CDH4: variants seen among roughly 807,000 people sequenced by gnomAD.
CDH4 encodes the protein cadherin 4.
CDH4 carries 33 observed loss-of-function variants against 86.0 expected under a neutral mutation model. The ratio of observed to expected loss-of-function variants is 0.38; its 90% confidence interval spans 0.29 to 0.51. CDH4 has a LOEUF of 0.51. Ranked by LOEUF, CDH4 falls within the 20% of genes least tolerant of loss-of-function variation. The probability of loss-of-function intolerance (pLI) is 0.86; values close to 1 mark genes in which losing one functional copy is unlikely to be tolerated. For synonymous variants in CDH4, 555 were observed against 549.4 expected (o/e 1.01, Z -0.14); for missense variants, 1,114 against 1,307.4 (o/e 0.85, Z 2.28).
chr20:61,389,463 C>T (rs2084969270), intron 2 of CDH4, among the ~76,000 whole-genome samples: 1 of 152,210 alleles, frequency 6.6e-6, no homozygotes, highest in South Asian at 2.1e-4. Context: ...AATTCCAATG[C>T]CTGGCACACA....
chr20:61,844,564 G>T, intron 4 of CDH4, 104 bp from the exon 5 acceptor site: 1 of 1,092,898 alleles, frequency 9.1e-7, no homozygotes, highest in South Asian at 1.7e-5. Context: ...ACCTGAAAAT[G>T]GTCGAGCTCG....
chr20:61,883,251 C>T (rs562240428), intron 7 of CDH4, among the ~76,000 whole-genome samples: 6 of 152,196 alleles, frequency 3.9e-5, no homozygotes, highest in Non-Finnish European at 8.8e-5. Flanking sequence ...ACTGAGTGCC[C>T]TGTCCCTCTC....
At chr20:61,478,772 G>A (rs1308449243) in intron 2 of CDH4, among the ~76,000 whole-genome samples, 1 of 152,230 alleles carries the variant, frequency 6.6e-6, no homozygotes, top group Admixed American at 6.5e-5. Flanking sequence ...AGAGATGAAA[G>A]TTGAAAATCA....
chr20:61,387,333 CACAG>C (rs1159396326), intron 2 of CDH4, among the ~76,000 whole-genome samples: 41 of 151,838 alleles, frequency 2.7e-4, no homozygotes, highest in Non-Finnish European at 1.2e-4. Flanking sequence ...CACAAACACA[CACAG>C]AGGCACACAT....
At chr20:61,398,029 C>T (rs1268175089) in intron 2 of CDH4, among the ~76,000 whole-genome samples, 1 of 152,238 alleles carries the variant, frequency 6.6e-6, no homozygotes, top group Non-Finnish European at 1.5e-5. Context: ...TGGCAAGCTT[C>T]ACCTGCGTGT....
chr20:61,475,433 C>A (rs1441536787), intron 2 of CDH4, among the ~76,000 whole-genome samples: 2 of 124,300 alleles, frequency 1.6e-5, no homozygotes, highest in Non-Finnish European at 1.8e-5. Flanking sequence ...CCACCACTTT[C>A]TCCCCCATGG....
chr20:61,805,163 T>G (rs896334118), intron 4 of CDH4, among the ~76,000 whole-genome samples: 1 of 152,128 alleles, frequency 6.6e-6, no homozygotes. Flanking sequence ...GCCGGTACGG[T>G]GCTGAGAAGA....
At chr20:61,842,394 T>C (rs1360633999) in intron 4 of CDH4, among the ~76,000 whole-genome samples, 1 of 152,098 alleles carries the variant, frequency 6.6e-6, no homozygotes, top group African/African-American at 2.4e-5. Flanking sequence ...AAAAACCGAG[T>C]GGGCTGCTTT....
chr20:61,307,077 G>A (rs796345943), intron 2 of CDH4, among the ~76,000 whole-genome samples: 3 of 151,864 alleles, frequency 2.0e-5, no homozygotes, highest in East Asian at 3.9e-4. Flanking sequence ...AGTCCACTCC[G>A]AGAGACAGAG....
intron 3 of CDH4, among the ~76,000 whole-genome samples, chr20:61,750,053 C>A (rs2145952792): frequency 6.6e-6 from 1 of 151,394 alleles, no homozygotes; most frequent in South Asian, 2.1e-4. Context: ...ACAGCAAGAC[C>A]CTATCAAAAA....
chr20:61,717,732 CCGGCCT>C (rs1568774361), intron 2 of CDH4: 1 of 152,264 alleles, frequency 6.6e-6, no homozygotes, highest in African/African-American at 2.4e-5. Context: ...AGGTGATCTG[CCGGCCT>C]CGGCCTCCCA....
At chr20:61,695,385 C>T (rs1340863572) in intron 2 of CDH4, among the ~76,000 whole-genome samples, 1 of 152,188 alleles carries the variant, frequency 6.6e-6, no homozygotes, top group African/African-American at 2.4e-5. Flanking sequence ...CAAACTCACA[C>T]CATCAGACCC....
At position 61,902,968 on chromosome 20, in the gene CDH4, G is replaced by A. The variant is rs1405780637; in HGVS notation, c.1189-7454G>A. On this transcript the variant is annotated intron_variant, in intron 8 of 15. Coordinates refer to ENST00000614565, the MANE Select transcript of CDH4 (RefSeq NM_001794.5). The surrounding 1 kb of genome is among the most constrained non-coding windows in gnomAD (Gnocchi z 4.6). The stretch of plus-strand genomic sequence containing the variant: ...CAGGAGTTCGAGGCTGCAGTGAGGT[G>A]TGATCATGCCACTAAACTCCAGCCT... Among the ~76,000 whole-genome samples the A allele has an allele frequency of 1.4e-5, 2 of 145,386 alleles. No individual in the cohort carries two copies. The highest frequency in any genetic ancestry group is 5.3e-5 in the African/African-American group (2 of 37,678).
chr20:61,934,156 A>T lies in CDH4; in HGVS notation c.2480A>T (p.Glu827Val), dbSNP rs373928047. The change falls in exon 15 of 16, where the codon GAG becomes GTG. Residue 827 changes from glutamate (E) to valine (V), a missense_variant. Glu to Val is a moderately radical substitution (Grantham distance 121). Transcript: ENST00000614565. ...RRVDERPVGA[E>V]PQYPIRPMVP... ...GTGGATGAGCGGCCGGTGGGCGCTG[A>T]GCCCCAGTACCCGATCAGGCCCATG... is the stretch of plus-strand genomic sequence containing the variant. 3 of 1,609,106 alleles carry T rather than the reference A, an allele frequency of 1.9e-6. No individual in the cohort carries two copies. The Admixed American group carries it at 5.0e-5, about 27-fold the overall frequency.
At chr20:61,687,552 G>A (rs952414930) in intron 2 of CDH4, among the ~76,000 whole-genome samples, 1 of 152,178 alleles carries the variant, frequency 6.6e-6, no homozygotes, top group African/African-American at 2.4e-5. Flanking sequence ...AGTTAATTTA[G>A]GAGTAGTTTT....
chr20:61,360,065 C>A, intron 2 of CDH4, among the ~76,000 whole-genome samples: 1 of 151,990 alleles, frequency 6.6e-6, no homozygotes, highest in East Asian at 1.9e-4. Flanking sequence ...AGAATTTAAC[C>A]AGAATCACTA....
At chr20:61,291,063 C>G (rs987970519) in intron 2 of CDH4, among the ~76,000 whole-genome samples, 3 of 152,144 alleles carry the variant, frequency 2.0e-5, no homozygotes, top group Admixed American at 6.5e-5. Context: ...CAACCCCTGT[C>G]TCACACTCAG....
At chr20:61,606,604 G>A (rs1284562047) in intron 2 of CDH4, among the ~76,000 whole-genome samples, 4 of 152,264 alleles carry the variant, frequency 2.6e-5, no homozygotes, top group African/African-American at 9.6e-5. Context: ...CCCCCAGGAA[G>A]TGGGCAGATT....
chr20:61,721,747 G>A (rs974306515), intron 2 of CDH4, among the ~76,000 whole-genome samples: 4 of 152,292 alleles, frequency 2.6e-5, no homozygotes, highest in Non-Finnish European at 1.5e-5. Context: ...CAAGGACCTC[G>A]TGAAGTATCA....
Sources: allele counts gnomAD v4.1 joint callset (sites outside exome capture counted in the v4.1 genomes callset), GRCh38; gene constraint gnomAD v4.1.1; non-coding constraint Gnocchi (gnomAD v3.1); transcripts MANE v1.5; gene names NCBI Gene and HGNC (gene_info 2026-07-23, HGNC 2026-07-21).